Variants in BTAF1 observed in about 807,000 individuals in gnomAD.
BTAF1 encodes TATA-binding protein-associated factor 172.
A neutral mutation model predicts 227.1 loss-of-function variants in BTAF1; 38 were observed. That is an observed-to-expected ratio of 0.17 (90% CI 0.13 to 0.22). The LOEUF (loss-of-function observed/expected upper bound fraction) is 0.22, where lower values mean the gene tolerates loss of function less well. Among genes scored for constraint, BTAF1 ranks in the 10% least tolerant of loss-of-function variants. The probability of loss-of-function intolerance (pLI) is 1.00; values close to 1 mark genes in which losing one functional copy is unlikely to be tolerated. For missense variants in BTAF1, 1,598 were observed against 2,204.0 expected, an observed-to-expected ratio of 0.73 and a Z score of 5.51; for synonymous variants, 742 against 751.9, an observed-to-expected ratio of 0.99 and a Z score of 0.21.
intron 6 of BTAF1, among the ~76,000 whole-genome samples, 191 bp from the exon 7 acceptor site, chr10:91,956,337 T>G (rs1589803204): frequency 6.6e-6 from 1 of 152,312 alleles, no homozygotes; most frequent in East Asian, 1.9e-4. Context: ...GCTCAAAAAA[T>G]TTTAAGCAGT....
intron 5 of BTAF1, 144 bp from the exon 6 acceptor site, chr10:91,953,593 C>A (rs1305174844): frequency 2.2e-6 from 2 of 895,116 alleles, no homozygotes; most frequent in Non-Finnish European, 3.3e-6. Flanking sequence ...AGTCATACAA[C>A]AAAAGAGTGT....
intron 14 of BTAF1, among the ~76,000 whole-genome samples, chr10:91,967,733 A>C (rs1219465563): frequency 6.6e-6 from 1 of 152,220 alleles, no homozygotes; most frequent in Non-Finnish European, 1.5e-5. Context: ...GACAGCTGGC[A>C]TGGGTTGTTC....
chr10:91,953,674 T>G, intron 5 of BTAF1, 63 bp from the exon 6 acceptor site: 7 of 1,550,528 alleles, frequency 4.5e-6, no homozygotes, highest in Non-Finnish European at 6.1e-6. Flanking sequence ...CTTCTGAGGC[T>G]GAGACTATAG....
At chr10:92,025,212 T>G (rs1256503786) in intron 35 of BTAF1, among the ~76,000 whole-genome samples, 1 of 152,054 alleles carries the variant, frequency 6.6e-6, no homozygotes, top group Non-Finnish European at 1.5e-5. Flanking sequence ...TGAAAGAAAT[T>G]TAAGGCATCA....
intron 32 of BTAF1, among the ~76,000 whole-genome samples, chr10:92,015,651 G>C (rs897096673): frequency 6.6e-6 from 1 of 152,184 alleles, no homozygotes; most frequent in South Asian, 2.1e-4. Flanking sequence ...ACTGGTTGTG[G>C]TGCTGTAACA....
At chr10:91,929,915 T>C (rs2133767000) in intron 1 of BTAF1, among the ~76,000 whole-genome samples, 1 of 152,262 alleles carries the variant, frequency 6.6e-6, no homozygotes, top group Non-Finnish European at 1.5e-5. Flanking sequence ...TTATAATTCA[T>C]CAAATATCTC....
intron 25 of BTAF1, among the ~76,000 whole-genome samples, chr10:92,002,943 A>AG (rs1253315054): frequency 2.0e-5 from 3 of 152,114 alleles, no homozygotes; most frequent in Admixed American, 6.5e-5. Flanking sequence ...GTGGATCACG[A>AG]GGTCAGGAGT....
intron 14 of BTAF1, among the ~76,000 whole-genome samples, chr10:91,976,288 CTG>C (rs1847685149): frequency 6.6e-6 from 1 of 152,158 alleles, no homozygotes; most frequent in South Asian, 2.1e-4. Flanking sequence ...CTCAGCACCT[CTG>C]TGCACTCACC....
At chr10:91,947,628 C>G (rs891746267) in intron 4 of BTAF1, among the ~76,000 whole-genome samples, 5 of 148,898 alleles carry the variant, frequency 3.4e-5, no homozygotes, top group Non-Finnish European at 7.4e-5. Context: ...GTTCTGAAAT[C>G]AAGATGCATG....
At chr10:91,958,025 T>C (rs1389371997) in intron 8 of BTAF1, among the ~76,000 whole-genome samples, 1 of 152,064 alleles carries the variant, frequency 6.6e-6, no homozygotes, top group Non-Finnish European at 1.5e-5. Flanking sequence ...CACTTATCAT[T>C]GGTAGCTTTG....
intron 5 of BTAF1, among the ~76,000 whole-genome samples, chr10:91,953,157 A>C (rs949328513): frequency 2.0e-5 from 3 of 152,282 alleles, no homozygotes; most frequent in African/African-American, 7.2e-5. Context: ...ATTTCAGTTG[A>C]ATCTTTTGGT....
rs1851750387 is a variant in BTAF1 at position 92,029,446 on chromosome 10, TA to T, written c.*515del. 1 of 152,462 alleles carries T rather than the reference TA, an allele frequency of 6.6e-6. No individual in the cohort carries two copies. Among genetic ancestry groups the T allele is most frequent in the Non-Finnish European group, 1.5e-5 (1 of 67,928 alleles). 9.4% of individuals were successfully genotyped at this position (152,462 alleles called of 1,614,324 possible). Reference sequence around the variant, plus strand: ...ACATGAAAATGTCAGACAATGAATTTAATCGGGCCCTTGGTGGAAACATTTA... The same window carrying T: ...ACATGAAAATGTCAGACAATGAATTTATCGGGCCCTTGGTGGAAACATTTA... On this transcript the variant is annotated 3_prime_UTR_variant, in exon 38 of 38. Transcript: ENST00000265990.
chr10:91,994,736 C>A, intron 23 of BTAF1, 92 bp downstream of exon 23: 1 of 1,048,094 alleles, frequency 9.5e-7, no homozygotes, highest in South Asian at 1.5e-5. Context: ...GCTTTGATGT[C>A]ATCCTTATTA....
chr10:91,959,717 A>AGT (rs1846354718), intron 9 of BTAF1, 68 bp from the exon 10 acceptor site: 1 of 514,338 alleles, frequency 1.9e-6, no homozygotes, highest in East Asian at 5.6e-5. Flanking sequence ...ATGTTAAAAA[A>AGT]ATGTGTGTGT....
In BTAF1 at chr10:91,984,282, G is replaced by T; in HGVS notation, c.2305G>T (p.Val769Phe). 6.2e-7 allele frequency: 1 copy of T among 1,613,786 alleles called. No individual in the cohort carries two copies. The highest frequency in any genetic ancestry group is 1.1e-5 in the South Asian group (1 of 91,064). The change falls in exon 19 of 38, where the codon GTT (valine) becomes TTT (phenylalanine). Residue 769 changes from valine (V) to phenylalanine (F), a missense_variant. Val to Phe is a conservative substitution (Grantham distance 50). Around this residue, in one of 10 missense-constraint regions of BTAF1, gnomAD observed 318 missense variants for 435.0 expected, o/e 0.73. Coordinates refer to ENST00000265990, the MANE Select transcript of BTAF1 (RefSeq NM_003972.3). ...ACATTTATATTATGACGAAATTGCCGTTCCATTCACACGAATGCAGAATGA... is the reference window on the plus strand; with the variant it reads ...ACATTTATATTATGACGAAATTGCCTTTCCATTCACACGAATGCAGAATGA... ...SEHLYYDEIA[V>F]PFTRMQNECK... is the part of the protein sequence containing the mutation.
chr10:91,932,254 A>G (rs17362257), intron 1 of BTAF1, among the ~76,000 whole-genome samples: 41,539 of 152,088 alleles, frequency 0.27, 6,937 homozygotes, highest in Non-Finnish European at 0.38. Context: ...GGCATTTTTC[A>G]GCTTGCTATT....
chr10:91,930,846 A>G (rs910607233), intron 1 of BTAF1, among the ~76,000 whole-genome samples: 2 of 151,926 alleles, frequency 1.3e-5, no homozygotes, highest in Non-Finnish European at 2.9e-5. Context: ...CTAAATGGCT[A>G]CTCTTGACTG....
intron 20 of BTAF1, among the ~76,000 whole-genome samples, chr10:91,991,288 A>ATATATATATATATATATATATATATT (rs1329964402): frequency 7.5e-6 from 1 of 133,130 alleles, no homozygotes. Flanking sequence ...ATATATATAT[A>ATATATATATATATATATATATATATT]TATAAATTAT....
chr10:91,937,571 C>G (rs966780800), intron 2 of BTAF1, among the ~76,000 whole-genome samples: 5 of 152,050 alleles, frequency 3.3e-5, no homozygotes, highest in African/African-American at 1.2e-4. Context: ...CTATTGTGAT[C>G]GATTTCTTTT....
Sources: gnomAD v4.1 joint callset for allele counts (sites outside exome capture counted in the v4.1 genomes callset) on GRCh38, gnomAD v4.1.1 for gene constraint, gnomAD v4.1.1 regional missense constraint, MANE v1.5 for transcripts, NCBI Gene and HGNC (gene_info 2026-07-23, HGNC 2026-07-21) for gene names.